NFATC3: variants seen among roughly 807,000 people sequenced by gnomAD.
NFATC3 encodes the protein nuclear factor of activated T-cells, cytoplasmic 3.
A neutral mutation model predicts 98.6 loss-of-function variants in NFATC3; 46 were observed. That is an observed-to-expected ratio of 0.47 (90% CI 0.37 to 0.60). NFATC3 has a LOEUF of 0.60. Among genes scored for constraint, NFATC3 ranks in the 20% least tolerant of loss-of-function variants. NFATC3 has a pLI of 0.00. For missense variants in NFATC3, 1,256 were observed against 1,295.5 expected, an observed-to-expected ratio of 0.97 and a Z score of 0.47; for synonymous variants, 512 against 472.2, an observed-to-expected ratio of 1.08 and a Z score of -1.09.
At chr16:68,139,733 G>A (rs1269742566) in intron 3 of NFATC3, among the ~76,000 whole-genome samples, 2 of 152,096 alleles carry the variant, frequency 1.3e-5, no homozygotes, top group African/African-American at 4.8e-5. Flanking sequence ...TCATTAATGT[G>A]GTCACCAAAT....
chr16:68,117,406 C>A (rs947855879), intron 1 of NFATC3, among the ~76,000 whole-genome samples: 1 of 152,190 alleles, frequency 6.6e-6, no homozygotes, highest in Admixed American at 6.5e-5. Flanking sequence ...TCCCATCTCG[C>A]AAGGCCTTAC....
chr16:68,210,880 C>A (rs1265396825), intron 9 of NFATC3, among the ~76,000 whole-genome samples: 1 of 152,044 alleles, frequency 6.6e-6, no homozygotes, highest in Non-Finnish European at 1.5e-5. Flanking sequence ...CTCCCCAGTT[C>A]AAGCGATTCT....
At chr16:68,149,784 T>TA (rs969031268) in intron 3 of NFATC3, among the ~76,000 whole-genome samples, 3 of 152,146 alleles carry the variant, frequency 2.0e-5, no homozygotes, top group Non-Finnish European at 4.4e-5. Context: ...TTAGTATATC[T>TA]AAAGGGCTTG....
Position 68,122,520 on chromosome 16 carries a change from G to T in NFATC3, c.637G>T (p.Gly213Cys). The T allele has an allele frequency of 6.2e-7, 1 of 1,614,068 alleles. No homozygotes were observed. The highest frequency in any genetic ancestry group is 1.1e-5 in the South Asian group (1 of 91,060). The change falls in exon 2 of 10, where the codon GGT becomes TGT. Residue 213 changes from glycine to cysteine, a missense_variant. By Grantham distance (159) the Gly-to-Cys change is radical. Around this residue, in one of 3 missense-constraint regions of NFATC3, gnomAD observed 464 missense variants for 465.7 expected, o/e 1.00. Coordinates refer to ENST00000346183, the MANE Select transcript of NFATC3 (RefSeq NM_173165.3). The stretch of plus-strand genomic sequence containing the variant: ...CCTTGGATCCCCTCTGACTTCTCCT[G>T]GTGGCTCTCCAGGGGGCTGCCCTGG... ...FTLGSPLTSP[G>C]GSPGGCPGEE...
intron 8 of NFATC3, among the ~76,000 whole-genome samples, chr16:68,184,004 CAAAAA>C (rs34341175): frequency 1.6e-5 from 1 of 62,258 alleles, no homozygotes; most frequent in Non-Finnish European, 3.2e-5. Flanking sequence ...AACTCCGTCA[CAAAAA>C]AAAAAAAAAA....
chr16:68,176,069 C>T (rs1033148479), intron 6 of NFATC3, among the ~76,000 whole-genome samples: 1 of 151,830 alleles, frequency 6.6e-6, no homozygotes, highest in African/African-American at 2.4e-5. Context: ...ACCTCCACCT[C>T]CGTGTTCAAG....
At chr16:68,162,496 G>A (rs1283667695) in intron 4 of NFATC3, among the ~76,000 whole-genome samples, 1 of 151,730 alleles carries the variant, frequency 6.6e-6, no homozygotes, top group African/African-American at 2.4e-5. Context: ...TGTCTTTACT[G>A]TTCTCTTAAG....
In NFATC3 at chr16:68,209,805, C is replaced by T. The variant is rs758284936; in HGVS notation, c.3107-16545C>T. On this transcript the variant is annotated intron_variant, in intron 9 of 9. Transcript: ENST00000346183. The stretch of plus-strand genomic sequence containing the variant: ...AAGTACTTCAAATGCAAGAAATGAA[C>T]GAATAAAACTCTGGCTAACCCCCCT... 1.0e-4 allele frequency: 40 copies of T among 395,788 alleles called. 1 individual carries two copies. Among genetic ancestry groups the T allele is most frequent in the Middle Eastern group, 8.9e-4 (1 of 1,124 alleles). The allele number at this position is 395,788 out of a possible 1,614,324, so 24.5% of individuals were successfully genotyped here.
intron 2 of NFATC3, among the ~76,000 whole-genome samples, chr16:68,125,375 A>G (rs8052859): frequency 0.04 from 6,143 of 152,306 alleles, 377 homozygotes; most frequent in African/African-American, 0.13. Flanking sequence ...TATCAAAATG[A>G]TCCTTTGGGC....
intron 3 of NFATC3, among the ~76,000 whole-genome samples, chr16:68,130,953 C>T (rs939655248): frequency 6.6e-6 from 1 of 152,130 alleles, no homozygotes; most frequent in Non-Finnish European, 1.5e-5. Context: ...AATGAGTTAG[C>T]TGTAAATACA....
chr16:68,171,915 A>G (rs2039481509), intron 5 of NFATC3, among the ~76,000 whole-genome samples: 1 of 152,032 alleles, frequency 6.6e-6, no homozygotes, highest in Non-Finnish European at 1.5e-5. Context: ...CAACCTCCAG[A>G]GTAGCCAGGA....
intron 4 of NFATC3, among the ~76,000 whole-genome samples, chr16:68,159,672 C>T (rs1448391327): frequency 6.6e-6 from 1 of 151,872 alleles, no homozygotes; most frequent in Non-Finnish European, 1.5e-5. Flanking sequence ...ATCCACCCAC[C>T]TCGGCCTCCT....
intron 1 of NFATC3, among the ~76,000 whole-genome samples, chr16:68,091,157 ATTCT>A (rs1365784704): frequency 6.6e-6 from 1 of 152,208 alleles, no homozygotes; most frequent in African/African-American, 2.4e-5. Flanking sequence ...TTTGGCATAT[ATTCT>A]TAACTATTAG....
intron 9 of NFATC3, among the ~76,000 whole-genome samples, chr16:68,203,277 T>C (rs749385048): frequency 1.3e-5 from 2 of 152,222 alleles, no homozygotes; most frequent in Non-Finnish European, 2.9e-5. Context: ...AAATAAGTTG[T>C]ACCTTTTTTT....
In NFATC3 at chr16:68,138,275, A is replaced by G. The variant is rs8056414; in HGVS notation, c.1401+11665A>G. ...GGCTAGTCTCGAACTCCTGACCTCA[A>G]GTAATGCACCACCTCAGCCTCCCAA... On this transcript the variant is annotated intron_variant, in intron 3 of 9. Coordinates refer to ENST00000346183, the MANE Select transcript of NFATC3 (RefSeq NM_173165.3). Among the ~76,000 whole-genome samples the G allele has an allele frequency of 4.7e-3, 703 of 149,644 alleles. 7 individuals carry two copies. Among genetic ancestry groups the G allele is most frequent in the African/African-American group, 0.017 (689 of 40,742 alleles).
intron 9 of NFATC3, among the ~76,000 whole-genome samples, chr16:68,223,874 G>A (rs1289289139): frequency 7.4e-6 from 1 of 136,042 alleles, no homozygotes; most frequent in Non-Finnish European, 1.5e-5. Context: ...TAGCCTCGGT[G>A]ACAGAGCAAG....
At chr16:68,105,899 G>T (rs532415039) in intron 1 of NFATC3, among the ~76,000 whole-genome samples, 27 of 151,312 alleles carry the variant, frequency 1.8e-4, no homozygotes, top group African/African-American at 6.1e-4. Flanking sequence ...TTTTTTTTGA[G>T]ACAGAGTCTC....
chr16:68,122,061 C>G lies in NFATC3; in HGVS notation c.178C>G (p.Leu60Val). 6.2e-7 allele frequency: 1 copy of G among 1,613,862 alleles called. No homozygotes were observed. The highest frequency in any genetic ancestry group is 8.5e-7 in the Non-Finnish European group (1 of 1,179,990). ...ACCTCCATCTACTTTAACCACACCA[C>G]TTTGCTTACCACATCATGGATTACC... ...DPPPSTLTTPLCLPHHGLPSH... is the reference protein window; with the variant it reads ...DPPPSTLTTPVCLPHHGLPSH... The change falls in exon 2 of 10, where the codon CTT becomes GTT. Residue 60 changes from leucine to valine, a missense_variant. By Grantham distance (32) the Leu-to-Val change is conservative. Coordinates refer to ENST00000346183, the MANE Select transcript of NFATC3 (RefSeq NM_173165.3).
chr16:68,220,917 T>G (rs1251299521), intron 9 of NFATC3, among the ~76,000 whole-genome samples: 1 of 150,622 alleles, frequency 6.6e-6, no homozygotes, highest in South Asian at 2.1e-4. Flanking sequence ...AGACTCTGTC[T>G]CAGAAAAAAA....
Sources: gnomAD v4.1 joint callset for allele counts (sites outside exome capture counted in the v4.1 genomes callset) on GRCh38, gnomAD v4.1.1 for gene constraint, gnomAD v4.1.1 regional missense constraint, MANE v1.5 for transcripts, NCBI Gene and HGNC (gene_info 2026-07-23, HGNC 2026-07-21) for gene names.